KCNN3: variants seen among roughly 807,000 people sequenced by gnomAD.
The protein encoded by KCNN3 is small conductance calcium-activated potassium channel protein 3.
A neutral mutation model predicts 62.9 loss-of-function variants in KCNN3; 16 were observed. The ratio of observed to expected loss-of-function variants is 0.25; its 90% CI spans 0.17 to 0.39. KCNN3 has a LOEUF of 0.39. Among genes scored for constraint, KCNN3 ranks in the 10% least tolerant of loss-of-function variants. The pLI is 1.00. For synonymous variants in KCNN3, 370 were observed against 389.2 expected (o/e 0.95, Z 0.58); for missense variants, 599 against 949.4 (o/e 0.63, Z 4.85).
chr1:154,734,751 G>A (rs981835150), intron 3 of KCNN3, among the ~76,000 whole-genome samples: 1 of 152,230 alleles, frequency 6.6e-6, no homozygotes, highest in African/African-American at 2.4e-5. Flanking sequence ...CTACTGTGTG[G>A]CTGGCACTTT....
chr1:154,770,424 G>A (rs1648495045), intron 3 of KCNN3, among the ~76,000 whole-genome samples: 1 of 152,334 alleles, frequency 6.6e-6, no homozygotes, highest in South Asian at 2.1e-4. Flanking sequence ...AGGGTGTGTT[G>A]AGGCTAACTC....
At chr1:154,756,286 A>T (rs1647701082) in intron 3 of KCNN3, among the ~76,000 whole-genome samples, 1 of 149,760 alleles carries the variant, frequency 6.7e-6, no homozygotes, top group Non-Finnish European at 1.5e-5. Flanking sequence ...GACGATGAAA[A>T]GGAGGAGGAG....
chr1:154,790,211 G>A (rs1032111157), intron 2 of KCNN3, among the ~76,000 whole-genome samples: 28 of 152,296 alleles, frequency 1.8e-4, no homozygotes, highest in Non-Finnish European at 8.8e-5. Context: ...GATTACAGGC[G>A]TGAGCCACCA....
intron 5 of KCNN3, among the ~76,000 whole-genome samples, chr1:154,719,793 T>G (rs7523074): frequency 0.18 from 27,879 of 151,996 alleles, 3,080 homozygotes; most frequent in African/African-American, 0.32. Flanking sequence ...CTCTCTTTCA[T>G]CACCCTGCTT....
intron 1 of KCNN3, among the ~76,000 whole-genome samples, chr1:154,857,869 A>C (rs1652600722): frequency 6.6e-6 from 1 of 152,188 alleles, no homozygotes. Flanking sequence ...TCACTCCTGA[A>C]TAAGACCCGG....
intron 2 of KCNN3, among the ~76,000 whole-genome samples, chr1:154,780,065 G>A (rs1323247637): frequency 2.6e-5 from 4 of 152,228 alleles, no homozygotes; most frequent in African/African-American, 4.8e-5. Flanking sequence ...GCCTTGACAA[G>A]GAGACAAGGA....
At chr1:154,745,709 C>G (rs1345184867) in intron 3 of KCNN3, among the ~76,000 whole-genome samples, 8 of 152,184 alleles carry the variant, frequency 5.3e-5, no homozygotes, top group Non-Finnish European at 1.2e-4. Context: ...AAATTAAAAA[C>G]CAGATGGCTC....
At chr1:154,719,797 C>T (rs918194347) in intron 5 of KCNN3, among the ~76,000 whole-genome samples, 2 of 152,114 alleles carry the variant, frequency 1.3e-5, no homozygotes, top group South Asian at 4.2e-4. Flanking sequence ...CTTTCATCAC[C>T]CTGCTTGCAC....
chr1:154,809,570 G>T lies in KCNN3; in HGVS notation c.1029+12519C>A, dbSNP rs180764277. 1.6e-4 allele frequency among the ~76,000 whole-genome samples: 25 copies of T among 152,324 alleles called. No homozygotes were observed. Among genetic ancestry groups the T allele is most frequent in the South Asian group, 1.0e-3 (5 of 4,830 alleles). ...CTTCTGGTTCGACATTTGTATCAAT[G>T]GTTTAGATGAAGCTATTATACTCAG... On this transcript the variant is annotated intron_variant, in intron 2 of 7. Transcript: ENST00000271915. This position sits in a 1 kb window ranked among gnomAD's most constrained non-coding sequence, Gnocchi z 4.3.
intron 3 of KCNN3, among the ~76,000 whole-genome samples, chr1:154,757,393 C>T (rs1405744020): frequency 6.6e-6 from 1 of 152,170 alleles, no homozygotes. Context: ...AGCTGTGGCT[C>T]TTATCTGGTA....
chr1:154,758,314 A>C (rs1647828379), intron 3 of KCNN3, among the ~76,000 whole-genome samples: 1 of 152,218 alleles, frequency 6.6e-6, no homozygotes, highest in African/African-American at 2.4e-5. Context: ...TCCTGATCAC[A>C]GGATGGATCC....
At chr1:154,735,928 G>A (rs566718723) in intron 3 of KCNN3, among the ~76,000 whole-genome samples, 2 of 152,326 alleles carry the variant, frequency 1.3e-5, no homozygotes, top group East Asian at 1.9e-4. Flanking sequence ...GCAGCTCCAC[G>A]CCACAAGCCT....
intron 3 of KCNN3, among the ~76,000 whole-genome samples, chr1:154,746,328 T>A (rs1451749638): frequency 6.6e-6 from 1 of 151,982 alleles, no homozygotes; most frequent in East Asian, 1.9e-4. Context: ...CAGGTATGGG[T>A]TGGGATGACA....
chr1:154,864,984 C>T (rs1004369398), intron 1 of KCNN3, among the ~76,000 whole-genome samples: 13 of 152,248 alleles, frequency 8.5e-5, no homozygotes, highest in African/African-American at 3.1e-4. Context: ...GCCTGAGATC[C>T]CGAGAAACAA....
chr1:154,744,820 G>A (rs1035948913), intron 3 of KCNN3, among the ~76,000 whole-genome samples: 10 of 151,962 alleles, frequency 6.6e-5, no homozygotes, highest in East Asian at 5.8e-4. Context: ...TGCTTGAGGC[G>A]TGTGAAAGAA....
chr1:154,796,538 T>G (rs1649741544), intron 2 of KCNN3, among the ~76,000 whole-genome samples: 1 of 152,308 alleles, frequency 6.6e-6, no homozygotes, highest in South Asian at 2.1e-4. Flanking sequence ...AAAAAAAAAT[T>G]TAGGTGCAGG....
intron 3 of KCNN3, among the ~76,000 whole-genome samples, chr1:154,771,001 G>T (rs1284836908): frequency 6.6e-6 from 1 of 151,780 alleles, no homozygotes; most frequent in Non-Finnish European, 1.5e-5. Flanking sequence ...AGGTTGCAGT[G>T]AGCAGAGACT....
At chr1:154,786,229 A>T (rs1175364141) in intron 2 of KCNN3, among the ~76,000 whole-genome samples, 1 of 152,224 alleles carries the variant, frequency 6.6e-6, no homozygotes, top group African/African-American at 2.4e-5. Context: ...AGGTGTCAAA[A>T]CTATATCAAT....
intron 2 of KCNN3, among the ~76,000 whole-genome samples, chr1:154,790,977 C>A (rs111728068): frequency 3.3e-5 from 5 of 151,864 alleles, no homozygotes; most frequent in Admixed American, 1.3e-4. Flanking sequence ...GCCTGTAATC[C>A]CAGCACTTTG....
Sources: allele counts gnomAD v4.1 joint callset (sites outside exome capture counted in the v4.1 genomes callset), GRCh38; gene constraint gnomAD v4.1.1; non-coding constraint Gnocchi (gnomAD v3.1); transcripts MANE v1.5; gene names NCBI Gene and HGNC (gene_info 2026-07-23, HGNC 2026-07-21).